Variants in PASD1 observed in about 807,000 individuals in gnomAD.
The protein encoded by PASD1 is PAS domain containing repressor 1, also known as circadian clock protein PASD1.
PASD1 carries 13 observed loss-of-function variants against 58.8 expected under a neutral mutation model. The ratio of observed to expected loss-of-function variants is 0.22; its 90% CI spans 0.14 to 0.35. The LOEUF is 0.35. PASD1 is among the 10% of genes least tolerant of loss of function. PASD1 has a pLI of 1.00. For synonymous variants in PASD1, 236 were observed against 216.7 expected (o/e 1.09, Z -0.78); for missense variants, 734 against 568.3 (o/e 1.29, Z -2.96).
intron 1 of PASD1, among the ~76,000 whole-genome samples, chrX:151,591,891 C>G (rs943570249): frequency 1.4e-4 from 16 of 111,862 alleles, no homozygotes; most frequent in African/African-American, 5.2e-4. Flanking sequence ...CTATATTAAA[C>G]ACACACACAT....
intron 1 of PASD1, among the ~76,000 whole-genome samples, chrX:151,590,368 TCCCCTAGG>T (rs2013227626): frequency 9.0e-6 from 1 of 111,391 alleles, no homozygotes; most frequent in Non-Finnish European, 1.9e-5. Flanking sequence ...TCTTTCCTAG[TCCCCTAGG>T]TTTGCATTCA....
intron 8 of PASD1, among the ~76,000 whole-genome samples, chrX:151,639,654 T>C (rs2013974603): frequency 8.9e-6 from 1 of 111,876 alleles, no homozygotes; most frequent in Admixed American, 9.5e-5. Context: ...CCCTGCTTTC[T>C]ACTCTCGTAC....
intron 3 of PASD1, among the ~76,000 whole-genome samples, chrX:151,605,562 A>G (rs781673997): frequency 9.0e-6 from 1 of 110,931 alleles, no homozygotes; most frequent in South Asian, 3.9e-4. Flanking sequence ...GCCATATTGT[A>G]ATATTCTACT....
intron 1 of PASD1, among the ~76,000 whole-genome samples, chrX:151,568,341 G>A (rs1465057569): frequency 9.0e-6 from 1 of 111,439 alleles, no homozygotes; most frequent in Admixed American, 9.5e-5. Context: ...ACATTGTTTA[G>A]GTAACTGGTT....
At chrX:151,623,553 A>G (rs192731016) in intron 7 of PASD1, among the ~76,000 whole-genome samples, 1 of 111,879 alleles carries the variant, frequency 8.9e-6, no homozygotes, top group African/African-American at 3.2e-5. Flanking sequence ...AGCTTCCATT[A>G]ATTTTTCCAT....
At chrX:151,575,624 G>A (rs2012992407) in intron 1 of PASD1, among the ~76,000 whole-genome samples, 1 of 110,425 alleles carries the variant, frequency 9.1e-6, no homozygotes, top group Non-Finnish European at 1.9e-5. Context: ...TTGTAAGTGG[G>A]GAAAATCTAA....
At chrX:151,586,846 C>T (rs2013172912) in intron 1 of PASD1, among the ~76,000 whole-genome samples, 1 of 111,742 alleles carries the variant, frequency 8.9e-6, no homozygotes, top group African/African-American at 3.3e-5. Context: ...TGCCCTGAAT[C>T]AGTGGATTTA....
chrX:151,638,730 A>G (rs755922739), intron 8 of PASD1, among the ~76,000 whole-genome samples: 2 of 111,619 alleles, frequency 1.8e-5, no homozygotes, highest in Non-Finnish European at 3.8e-5. Context: ...TCTCTGATAG[A>G]TTGCTTTTGG....
intron 1 of PASD1, among the ~76,000 whole-genome samples, chrX:151,578,900 G>T (rs1175212483): frequency 8.9e-6 from 1 of 111,961 alleles, no homozygotes; most frequent in Non-Finnish European, 1.9e-5. Flanking sequence ...AAAGAAAAGA[G>T]TTTTAGAATA....
chrX:151,643,853 C>A (rs1262120543), intron 8 of PASD1, among the ~76,000 whole-genome samples: 1 of 111,841 alleles, frequency 8.9e-6, no homozygotes, highest in Non-Finnish European at 1.9e-5. Flanking sequence ...GATAACAGAG[C>A]ATATGTCATT....
chrX:151,672,657 C>A lies in PASD1; in HGVS notation c.1912C>A (p.Gln638Lys). 1 of 1,210,931 alleles carries A rather than the reference C, an allele frequency of 8.3e-7. No homozygotes were observed. Among genetic ancestry groups the A allele is most frequent in the South Asian group, 1.8e-5 (1 of 56,715 alleles). The change falls in exon 14 of 16, where the codon CAA becomes AAA. Residue 638 changes from glutamine to lysine, a missense_variant. Transcript: ENST00000370357. The stretch of plus-strand genomic sequence containing the variant: ...CTGTGGGCAACAGGAAGATGAGAGT[C>A]AAAGGTAAGACATGCATGGAATGGT... ...ENCGQQEDES[Q>K]SFYPEAYQGP...
At chrX:151,622,796 A>G (rs1315602646) in intron 6 of PASD1, 141 bp from the exon 7 acceptor site, 12 of 597,539 alleles carry the variant, frequency 2.0e-5, no homozygotes, top group Non-Finnish European at 3.0e-5. Flanking sequence ...TGAAAAGGAA[A>G]GAAGACAGGA....
intron 1 of PASD1, among the ~76,000 whole-genome samples, chrX:151,568,858 T>A (rs2012886260): frequency 9.0e-6 from 1 of 111,440 alleles, no homozygotes; most frequent in Non-Finnish European, 1.9e-5. Flanking sequence ...TTCGGTGAAC[T>A]TCTCCATCCG....
Position 151,672,154 on chromosome X carries a change from G to A in PASD1, c.1438-29G>A. On this transcript the variant is annotated intron_variant, in intron 13 of 15. Coordinates refer to ENST00000370357, the MANE Select transcript of PASD1 (RefSeq NM_173493.3). ...CTGGGAGGCTCTTGCAGACACCAGG[G>A]TGCTTTTATCTGTTGCCTTTCGATG... 3 of 1,133,518 alleles carry A rather than the reference G, an allele frequency of 2.6e-6. No individual in the cohort carries two copies. The South Asian group carries it at 6.3e-5, about 24-fold the overall frequency. The allele number at this position is 1,133,518 out of a possible 1,213,427, so 93.4% of individuals were successfully genotyped here.
intron 1 of PASD1, among the ~76,000 whole-genome samples, chrX:151,588,751 T>C (rs1004379105): frequency 8.9e-6 from 1 of 112,205 alleles, no homozygotes; most frequent in Admixed American, 9.4e-5. Flanking sequence ...TGTTCTCTCT[T>C]AGTCTCTCTT....
At chrX:151,621,332 G>T (rs2013705724) in intron 5 of PASD1, 150 bp from the exon 6 acceptor site, 1 of 467,086 alleles carries the variant, frequency 2.1e-6, no homozygotes, top group Non-Finnish European at 3.6e-6. Context: ...ATACAACATA[G>T]CTAGCTATGT....
chrX:151,595,572 A>G (rs2013311355), intron 1 of PASD1, among the ~76,000 whole-genome samples: 1 of 109,560 alleles, frequency 9.1e-6, no homozygotes, highest in Non-Finnish European at 1.9e-5. Flanking sequence ...CAAAAAAAAA[A>G]AAATGTACCC....
At position 151,654,904 on chromosome X, in the gene PASD1, G is replaced by A. The variant is rs180732249; in HGVS notation, c.718-4809G>A. Among the ~76,000 whole-genome samples the A allele has an allele frequency of 4.2e-3, 469 of 110,422 alleles. 2 individuals are homozygous for A. The highest frequency in any genetic ancestry group is 0.015 in the African/African-American group (442 of 30,318). ...GTTCTAGGGTACATGTGCACAACAAGCAGGTTTGTCACATATGTATACATA... is the reference window on the plus strand; with the variant it reads ...GTTCTAGGGTACATGTGCACAACAAACAGGTTTGTCACATATGTATACATA... On this transcript the variant is annotated intron_variant, in intron 9 of 15. Transcript: ENST00000370357.
chrX:151,579,033 G>A (rs1302197974), intron 1 of PASD1, among the ~76,000 whole-genome samples: 3 of 112,120 alleles, frequency 2.7e-5, no homozygotes, highest in Non-Finnish European at 5.6e-5. Flanking sequence ...GGGTTTGCCT[G>A]TAGTTTGACA....
Sources: gnomAD v4.1 joint callset for allele counts (sites outside exome capture counted in the v4.1 genomes callset) on GRCh38, gnomAD v4.1.1 for gene constraint, MANE v1.5 for transcripts, NCBI Gene and HGNC (gene_info 2026-07-23, HGNC 2026-07-21) for gene names.